B4GALNT4: variants seen among roughly 807,000 people sequenced by gnomAD.
B4GALNT4 encodes the protein beta-1,4-N-acetyl-galactosaminyltransferase 4, also known as N-acetyl-beta-glucosaminyl-glycoprotein 4-beta-N-acetylgalactosaminyltransferase 1.
Under a neutral mutation model 110.0 loss-of-function variants are expected in B4GALNT4, and 77 were observed. The ratio of observed to expected loss-of-function variants is 0.70; its 90% CI spans 0.58 to 0.85. The LOEUF is 0.85. Among genes scored for constraint, B4GALNT4 ranks in the 40% least tolerant of loss-of-function variants. The probability of loss-of-function intolerance (pLI) is 0.00; values close to 1 mark genes in which losing one functional copy is unlikely to be tolerated. For missense variants in B4GALNT4, 1,575 were observed against 1,506.0 expected (o/e 1.05, Z -0.76); for synonymous variants, 785 against 655.5 (o/e 1.20, Z -3.02).
Position 377,071 on chromosome 11 carries a change from G to A in B4GALNT4, c.1948G>A (p.Glu650Lys). ...PGEGEEEEEGEDDGAPGDEAA... is the reference protein window; with the variant it reads ...PGEGEEEEEGKDDGAPGDEAA... ...GGAGGGCGAAGAGGAGGAGGAAGGG[G>A]AGGACGATGGGGCCCCGGGCGACGA... Residue 650 changes from glutamate (E) to lysine (K), a missense_variant, in exon 14 of 20, where the codon GAG becomes AAG. By Grantham distance (56) the Glu-to-Lys change is moderately conservative (BLOSUM62 1). Coordinates refer to ENST00000329962, the MANE Select transcript of B4GALNT4 (RefSeq NM_178537.5). 2 of 1,445,996 alleles carry A rather than the reference G, an allele frequency of 1.4e-6. No individual in the cohort carries two copies. Among genetic ancestry groups the A allele is most frequent in the Non-Finnish European group, 1.8e-6 (2 of 1,099,666 alleles). 89.6% of individuals were successfully genotyped at this position (1,445,996 alleles called of 1,614,324 possible).
In B4GALNT4 at chr11:376,696, G is replaced by T. The variant is rs1846762697; in HGVS notation, c.1573G>T (p.Val525Leu). ...TGCAGTGGAGCAGCCGCCCCCAAAG[G>T]TGTACGTGACCAGGGTGCGGCCGGG... is the stretch of plus-strand genomic sequence containing the variant. ...RPAVEQPPPK[V>L]YVTRVRPGQR... Residue 525 changes from valine to leucine, a missense_variant, in exon 14 of 20, where the codon GTG (valine) becomes TTG (leucine). Coordinates refer to ENST00000329962, the MANE Select transcript of B4GALNT4 (RefSeq NM_178537.5). The T allele has an allele frequency of 3.5e-6, 5 of 1,423,600 alleles. No homozygotes were observed. The highest frequency in any genetic ancestry group is 4.6e-6 in the Non-Finnish European group (5 of 1,094,140). 88.2% of individuals were successfully genotyped at this position (1,423,600 alleles called of 1,614,324 possible). A position where few individuals can be genotyped will look rare whatever the true frequency, so the allele number is the denominator to read the frequency against.
chr11:381,839 C>A lies in B4GALNT4; in HGVS notation c.*47C>A. ...CCCGGTGGGAGTCCCGAGGCAGCTG[C>A]TGGGGGCTGGGCTTTGAGCTCGGTC... On this transcript the variant is annotated 3_prime_UTR_variant, in exon 20 of 20. Coordinates refer to ENST00000329962, the MANE Select transcript of B4GALNT4 (RefSeq NM_178537.5). 2 of 1,522,842 alleles carry A rather than the reference C, an allele frequency of 1.3e-6. No homozygotes were observed. The highest frequency in any genetic ancestry group is 1.2e-5 in the South Asian group (1 of 81,684). 94.3% of individuals were successfully genotyped at this position (1,522,842 alleles called of 1,614,324 possible).
rs1292502794 is a variant in B4GALNT4 at position 369,575 on chromosome 11, G to C, written c.-229G>C. On this transcript the variant is annotated 5_prime_UTR_variant, in exon 1 of 20. Coordinates refer to ENST00000329962, the MANE Select transcript of B4GALNT4 (RefSeq NM_178537.5). ...GCGCGGAGCCGGGAGCGGCCGGGCG[G>C]GGGGCACCGCGAGGAGCCGCCCCCG... is the stretch of plus-strand genomic sequence containing the variant. 1.4e-5 allele frequency among the ~76,000 whole-genome samples: 2 copies of C among 143,206 alleles called. No individual in the cohort carries two copies. Among genetic ancestry groups the C allele is most frequent in the East Asian group, 2.1e-4 (1 of 4,786 alleles). The allele number at this position is 143,206 out of a possible 152,430, so 93.9% of individuals were successfully genotyped here.
chr11:369,986 G>C (rs1846581147), intron 1 of B4GALNT4, 32 bp downstream of exon 1: 2 of 319,376 alleles, frequency 6.3e-6, no homozygotes, highest in Non-Finnish European at 8.5e-6. Context: ...GGGCGCGGGG[G>C]GCGGGGGCGG....
At chr11:370,203 G>A (rs946445294) in intron 1 of B4GALNT4, among the ~76,000 whole-genome samples, 2 of 152,024 alleles carry the variant, frequency 1.3e-5, no homozygotes, top group Admixed American at 1.3e-4. Flanking sequence ...GACGTCGGCA[G>A]TGACGCGCGC....
At position 381,880 on chromosome 11, in the gene B4GALNT4, G is replaced by A; in HGVS notation, c.*88G>A. 3.6e-6 allele frequency: 5 copies of A among 1,404,918 alleles called. No individual in the cohort carries two copies. The highest frequency in any genetic ancestry group is 1.5e-5 in the African/African-American group (1 of 65,966). 87.0% of individuals were successfully genotyped at this position (1,404,918 alleles called of 1,614,324 possible). On this transcript the variant is annotated 3_prime_UTR_variant, in exon 20 of 20. Transcript: ENST00000329962. ...GAGCTCGGTCCCGAGAGACCCGGCAGGGCTGGTCAGAGGGGCACAGCCACC... is the reference window on the plus strand; with the variant it reads ...GAGCTCGGTCCCGAGAGACCCGGCAAGGCTGGTCAGAGGGGCACAGCCACC...
rs776196477 is a variant in B4GALNT4, at chr11:375,428, C to T, written c.784-33C>T. On this transcript the variant is annotated intron_variant, in intron 8 of 19. Transcript: ENST00000329962. ...TTCTTCCCTGGACCCAGCCACCGCCCTGTCCCTGACCCCCACCCTCTCTGC... is the reference window on the plus strand; with the variant it reads ...TTCTTCCCTGGACCCAGCCACCGCCTTGTCCCTGACCCCCACCCTCTCTGC... 10 of 1,609,670 alleles carry T rather than the reference C, an allele frequency of 6.2e-6. No individual in the cohort carries two copies. In the Admixed American group the frequency reaches 1.2e-4, roughly 19 times the overall value.
intron 1 of B4GALNT4, among the ~76,000 whole-genome samples, chr11:370,371 G>A (rs1846595628): frequency 6.6e-6 from 1 of 152,108 alleles, no homozygotes. Flanking sequence ...CGCTTAGCAG[G>A]GCCTCAGTTT....
intron 14 of B4GALNT4, among the ~76,000 whole-genome samples, chr11:378,807 G>A (rs974921196): frequency 2.0e-5 from 3 of 152,104 alleles, no homozygotes; most frequent in Non-Finnish European, 4.4e-5. Flanking sequence ...GGACAGGAGC[G>A]GAACTGCTGC....
chr11:370,012 G>GGGCGCGGGGGGCGCGGGC (rs1846585244), intron 1 of B4GALNT4, 58 bp downstream of exon 1: 3 of 135,000 alleles, frequency 2.2e-5, no homozygotes, highest in South Asian at 5.3e-4. Flanking sequence ...GGGGCGCGGG[G>GGGCGCGGGGGGCGCGGGC]GGCGCGGGCG....
chr11:373,083 C>T lies in B4GALNT4; in HGVS notation c.502C>T (p.Arg168Cys), dbSNP rs777075662. ...CCCCAAGTGGAAGAACTATGGACTC[C>T]GTATTTTTGGTTTCATCCACCCGGC... ...VSPKWKNYGL[R>C]IFGFIHPARD... is the part of the protein sequence containing the mutation. Residue 168 changes from arginine (R) to cysteine (C), a missense_variant, in exon 5 of 20, where the codon CGT becomes TGT. Arg to Cys is a radical substitution (Grantham distance 180, BLOSUM62 -3). Transcript: ENST00000329962. The T allele has an allele frequency of 1.1e-5, 18 of 1,612,292 alleles. No homozygotes were observed. Among genetic ancestry groups the T allele is most frequent in the Non-Finnish European group, 1.4e-5 (16 of 1,179,848 alleles).
In B4GALNT4 at chr11:372,874, AC is replaced by A; in HGVS notation, c.372del (p.His124GlnfsTer14). 1 of 1,611,526 alleles carries A rather than the reference AC, an allele frequency of 6.2e-7. No individual in the cohort carries two copies. Among genetic ancestry groups the A allele is most frequent in the Non-Finnish European group, 8.5e-7 (1 of 1,179,638 alleles). Reference protein sequence around the residue: ...REEYKGQVNLHVFEDWCGGAV... With the variant: ...REEYKGQVNLXVFEDWCGGAV... ...CAGTACAAGGGGCAGGTGAACCTGCACGTGTTTGAGGACTGGTGTGGGGGCG... is the reference window on the plus strand; with the variant it reads ...CAGTACAAGGGGCAGGTGAACCTGCAGTGTTTGAGGACTGGTGTGGGGGCG... On this transcript the variant is annotated frameshift_variant, in exon 4 of 20. Transcript: ENST00000329962. LOFTEE classifies it high-confidence loss of function.
chr11:376,051 C>A lies in B4GALNT4; in HGVS notation c.1096-23C>A, dbSNP rs571848152. ...CGCCCCGGGAGGTCCGCGCCCTGAG[C>A]CCTGCGCCCCCCCACCCCCCAGGTG... On this transcript the variant is annotated intron_variant, in intron 11 of 19. Coordinates refer to ENST00000329962, the MANE Select transcript of B4GALNT4 (RefSeq NM_178537.5). 24 of 1,604,876 alleles carry A rather than the reference C, an allele frequency of 1.5e-5. No homozygotes were observed. In the South Asian group the frequency reaches 2.5e-4, roughly 17 times the overall value.
In B4GALNT4 at chr11:373,040, G is replaced by A; in HGVS notation, c.459G>A (p.Val153=). The A allele has an allele frequency of 1.2e-6, 2 of 1,612,640 alleles. No homozygotes were observed. The highest frequency in any genetic ancestry group is 1.7e-6 in the Non-Finnish European group (2 of 1,179,900). ...FPLFPHTRTT[V]KKLAVSPKWK... ...TGCCCCCCCAGACGCGCACCACCGT[G>A]AAGAAGTTGGCCGTGTCCCCCAAGT... is the stretch of plus-strand genomic sequence containing the variant. Residue 153 remains valine, a synonymous_variant, in exon 5 of 20, where the codon GTG becomes GTA. Coordinates refer to ENST00000329962, the MANE Select transcript of B4GALNT4 (RefSeq NM_178537.5).
At position 376,130 on chromosome 11, in the gene B4GALNT4, G is replaced by A. The variant is rs772866182; in HGVS notation, c.1152G>A (p.Thr384=). The change falls in exon 12 of 20, where the codon ACG becomes ACA. Residue 384 remains threonine, a synonymous_variant. Transcript: ENST00000329962. ...NDYTRLTHME[T]DNKCFYRESP... Reference sequence around the variant, plus strand: ...ACACTCGCCTCACCCACATGGAGACGGACAACAAGTGCTTCTACCGCGAGT... The same window carrying A: ...ACACTCGCCTCACCCACATGGAGACAGACAACAAGTGCTTCTACCGCGAGT... 6.6e-5 allele frequency: 104 copies of A among 1,570,274 alleles called. No homozygotes were observed. Among genetic ancestry groups the A allele is most frequent in the Non-Finnish European group, 8.2e-5 (95 of 1,155,476 alleles).
At position 373,211 on chromosome 11, in the gene B4GALNT4, G is replaced by C; in HGVS notation, c.556G>C (p.Ala186Pro). ...ARDGDVQFSV[A>P]SDDNSEFWLS... is the part of the protein sequence containing the mutation. The stretch of plus-strand genomic sequence containing the variant: ...ACTAGGAGACGTCCAGTTTTCTGTG[G>C]CCTCAGACGACAACTCGGAGTTCTG... Residue 186 changes from alanine (A) to proline (P), a missense_variant, in exon 6 of 20, where the codon GCC becomes CCC. By Grantham distance (27) the Ala-to-Pro change is conservative (BLOSUM62 -1). Coordinates refer to ENST00000329962, the MANE Select transcript of B4GALNT4 (RefSeq NM_178537.5). 1 of 1,612,284 alleles carries C rather than the reference G, an allele frequency of 6.2e-7. No homozygotes were observed. Among genetic ancestry groups the C allele is most frequent in the Non-Finnish European group, 8.5e-7 (1 of 1,179,608 alleles).
In B4GALNT4 at chr11:376,577, G is replaced by T. The variant is rs575262000; in HGVS notation, c.1454G>T (p.Gly485Val). 3 of 1,353,872 alleles carry T rather than the reference G, an allele frequency of 2.2e-6. No homozygotes were observed. The African/African-American group carries it at 4.7e-5, about 21-fold the overall frequency. The allele number at this position is 1,353,872 out of a possible 1,614,324, so 83.9% of individuals were successfully genotyped here. ...APPTPPRPRD[G>V]GTPRHSRALS... Reference sequence around the variant, plus strand: ...CCGACCCCTCCCCGCCCCCGGGACGGGGGGACCCCCAGGCACTCCCGGGCC... The same window carrying T: ...CCGACCCCTCCCCGCCCCCGGGACGTGGGGACCCCCAGGCACTCCCGGGCC... Residue 485 changes from glycine to valine, a missense_variant, in exon 14 of 20, where the codon GGG (glycine) becomes GTG (valine). Coordinates refer to ENST00000329962, the MANE Select transcript of B4GALNT4 (RefSeq NM_178537.5).
rs756461486 is a variant in B4GALNT4, at chr11:380,014, G to T, written c.2637G>T (p.Leu879=). The change falls in exon 16 of 20, where the codon CTG becomes CTT. Residue 879 remains leucine, a synonymous_variant. Transcript: ENST00000329962. ...AGCGGGCCCTGCGCGCCGCGCGCCTGCCCCGGTAACGACCCCTACTTCCAC... is the reference window on the plus strand; with the variant it reads ...AGCGGGCCCTGCGCGCCGCGCGCCTTCCCCGGTAACGACCCCTACTTCCAC... ...DVERALRAAR[L]PRYQYLRRTG... is the part of the protein sequence containing the mutation. The T allele has an allele frequency of 2.5e-6, 4 of 1,612,072 alleles. No homozygotes were observed. Among genetic ancestry groups the T allele is most frequent in the Non-Finnish European group, 2.5e-6 (3 of 1,179,146 alleles).
At chr11:378,309 G>A (rs1846802373) in intron 14 of B4GALNT4, among the ~76,000 whole-genome samples, 1 of 152,186 alleles carries the variant, frequency 6.6e-6, no homozygotes, top group South Asian at 2.1e-4. Context: ...GGTGGTGACT[G>A]ACAGCCTGGA....
Sources: allele counts gnomAD v4.1 joint callset (sites outside exome capture counted in the v4.1 genomes callset), GRCh38; gene constraint gnomAD v4.1.1; transcripts MANE v1.5; gene names NCBI Gene and HGNC (gene_info 2026-07-23, HGNC 2026-07-21).